The following SH2D4B variants were observed in gnomAD, a reference collection of about 807,000 sequenced individuals.
The protein encoded by SH2D4B is SH2 domain containing 4B.
Under a neutral mutation model 61.5 loss-of-function variants are expected in SH2D4B, and 45 were observed. The observed-to-expected ratio is 0.73, with a 90% CI of 0.58 to 0.94. The LOEUF is 0.94. Ranked by LOEUF, SH2D4B falls within the 40% of genes least tolerant of loss-of-function variation. The pLI is 0.00. For synonymous variants in SH2D4B, 224 were observed against 220.4 expected (o/e 1.02, Z -0.14); for missense variants, 572 against 574.2 (o/e 1.00, Z 0.04).
Position 80,574,290 on chromosome 10 carries a change from C to A in SH2D4B, c.495+2712C>A, listed in dbSNP as rs541017294. 2.7e-4 allele frequency among the ~76,000 whole-genome samples: 41 copies of A among 152,280 alleles called. No individual in the cohort carries two copies. The South Asian group carries it at 8.1e-3, about 30-fold the overall frequency. ...TAGCTGGAACTGCAGGCATGTGCCA[C>A]CACACCCAACTAATTTTTGTATTTT... On this transcript the variant is annotated intron_variant, in intron 3 of 7. Transcript: ENST00000646907.
At chr10:80,553,221 A>G (rs1841785122) in intron 1 of SH2D4B, among the ~76,000 whole-genome samples, 1 of 152,148 alleles carries the variant, frequency 6.6e-6, no homozygotes, top group Non-Finnish European at 1.5e-5. Flanking sequence ...CCTGGCTGGC[A>G]TCATTTATTT....
In SH2D4B at chr10:80,603,726, A is replaced by G. The variant is rs749039341; in HGVS notation, c.791A>G (p.Glu264Gly). Reference sequence around the variant, plus strand: ...TTCCGGGAGCTTGGCCAGAGCCATGAGCAGGAGGCAAGACTCTACCACCAC... The same window carrying G: ...TTCCGGGAGCTTGGCCAGAGCCATGGGCAGGAGGCAAGACTCTACCACCAC... ...SMFRELGQSH[E>G]QEARLYHHLP... Residue 264 changes from glutamate (E) to glycine (G), a missense_variant, in exon 5 of 8, where the codon GAG becomes GGG. By Grantham distance (98) the Glu-to-Gly change is moderately conservative. Coordinates refer to ENST00000646907, the MANE Select transcript of SH2D4B (RefSeq NM_001388272.1). 2 of 1,613,614 alleles carry G rather than the reference A, an allele frequency of 1.2e-6. No individual in the cohort carries two copies. The highest frequency in any genetic ancestry group is 3.3e-5 in the Admixed American group (2 of 60,012).
intron 5 of SH2D4B, 84 bp downstream of exon 5, chr10:80,603,879 GC>G: frequency 1.6e-6 from 2 of 1,269,126 alleles, no homozygotes; most frequent in South Asian, 1.4e-5. Flanking sequence ...TCCCGGGTCT[GC>G]CCCAGATTTG....
At chr10:80,634,890 CAGCTTCTGAG>C (rs1275394120) in intron 7 of SH2D4B, among the ~76,000 whole-genome samples, 1 of 152,234 alleles carries the variant, frequency 6.6e-6, no homozygotes, top group Non-Finnish European at 1.5e-5. Flanking sequence ...AGACCTCTAG[CAGCTTCTGAG>C]AGTTAGCTGA....
intron 3 of SH2D4B, among the ~76,000 whole-genome samples, chr10:80,586,435 C>CCA (rs1416500447): frequency 1.3e-5 from 2 of 152,166 alleles, no homozygotes; most frequent in African/African-American, 2.4e-5. Flanking sequence ...GTAAACACAC[C>CCA]TGTCAGCACC....
At chr10:80,610,423 G>A (rs1456058238) in intron 6 of SH2D4B, among the ~76,000 whole-genome samples, 1 of 152,154 alleles carries the variant, frequency 6.6e-6, no homozygotes, top group Non-Finnish European at 1.5e-5. Context: ...GGATGAAGGT[G>A]GGAAGAAAAT....
At position 80,644,377 on chromosome 10, in the gene SH2D4B, T is replaced by G. The variant is rs1840360239; in HGVS notation, c.*292T>G. ...GCTGCCGTAAACCGAGCTCTTACAGTGCGTGGACCATGTTTTAATAATCCA... is the reference window on the plus strand; with the variant it reads ...GCTGCCGTAAACCGAGCTCTTACAGGGCGTGGACCATGTTTTAATAATCCA... On this transcript the variant is annotated 3_prime_UTR_variant, in exon 8 of 8. Coordinates refer to ENST00000646907, the MANE Select transcript of SH2D4B (RefSeq NM_001388272.1). The G allele has an allele frequency of 3.3e-6, 1 of 300,260 alleles. No individual in the cohort carries two copies. Among genetic ancestry groups the G allele is most frequent in the Non-Finnish European group, 6.1e-6 (1 of 163,548 alleles). The allele number at this position is 300,260 out of a possible 1,614,324, so 18.6% of individuals were successfully genotyped here.
At chr10:80,572,971 TATATATATATA>T (rs1842073523) in intron 3 of SH2D4B, among the ~76,000 whole-genome samples, 8 of 9,574 alleles carry the variant, frequency 8.4e-4, no homozygotes, top group Non-Finnish European at 1.4e-3. Flanking sequence ...TATATATATA[TATATATATATA>T]TATATTTTTT....
intron 6 of SH2D4B, among the ~76,000 whole-genome samples, chr10:80,626,176 A>T (rs1402942782): frequency 1.3e-5 from 2 of 151,898 alleles, no homozygotes; most frequent in African/African-American, 4.8e-5. Context: ...TTCCTGAAGT[A>T]CATCCTTTAG....
intron 3 of SH2D4B, among the ~76,000 whole-genome samples, chr10:80,581,689 T>TA (rs1176439267): frequency 1.3e-5 from 2 of 152,162 alleles, no homozygotes; most frequent in African/African-American, 2.4e-5. Context: ...ATTGAGGAAA[T>TA]AGAGTTCTGT....
intron 3 of SH2D4B, among the ~76,000 whole-genome samples, chr10:80,579,573 C>T (rs1267663031): frequency 6.6e-6 from 1 of 152,032 alleles, no homozygotes; most frequent in African/African-American, 2.4e-5. Flanking sequence ...TCCTTCTCTG[C>T]TTGCAATCTC....
intron 3 of SH2D4B, among the ~76,000 whole-genome samples, chr10:80,578,449 C>G (rs528633572): frequency 5.9e-5 from 9 of 152,058 alleles, no homozygotes; most frequent in Non-Finnish European, 1.0e-4. Flanking sequence ...CATGAGCAAC[C>G]CTTAGTGCCA....
chr10:80,579,512 C>CCT lies in SH2D4B; in HGVS notation c.495+7934_495+7935insCT, dbSNP rs1842165261. On this transcript the variant is annotated intron_variant, in intron 3 of 7. Transcript: ENST00000646907. The stretch of plus-strand genomic sequence containing the variant: ...TCCTTCTGTTCAAGACCACAGAACA[C>CCT]GGCTCAATAAACATCCTGTGCTCTT... Among the ~76,000 whole-genome samples the CCT allele has an allele frequency of 1.5e-4, 23 of 152,098 alleles. 1 individual carries two copies. The highest frequency in any genetic ancestry group is 1.5e-3 in the Admixed American group (23 of 15,264).
intron 1 of SH2D4B, among the ~76,000 whole-genome samples, chr10:80,556,860 G>GT (rs1841844400): frequency 6.6e-6 from 1 of 152,090 alleles, no homozygotes. Flanking sequence ...GACAAATTAA[G>GT]TTTTCTCTTC....
intron 4 of SH2D4B, among the ~76,000 whole-genome samples, chr10:80,596,074 T>A (rs1490884659): frequency 6.6e-6 from 1 of 152,232 alleles, no homozygotes; most frequent in Non-Finnish European, 1.5e-5. Context: ...GGTTTCACTG[T>A]TACCAGTTAC....
chr10:80,591,867 A>G (rs897561309), intron 4 of SH2D4B, among the ~76,000 whole-genome samples: 2 of 152,280 alleles, frequency 1.3e-5, no homozygotes, highest in East Asian at 3.9e-4. Flanking sequence ...CCATTAACCC[A>G]TTAATACATT....
intron 4 of SH2D4B, among the ~76,000 whole-genome samples, chr10:80,597,277 A>G (rs75078436): frequency 0.017 from 2,591 of 152,292 alleles, 79 homozygotes; most frequent in African/African-American, 0.059. Flanking sequence ...TGTATTAGAC[A>G]TATTTCCTCC....
intron 4 of SH2D4B, among the ~76,000 whole-genome samples, chr10:80,602,424 C>G (rs1842460966): frequency 6.6e-6 from 1 of 152,198 alleles, no homozygotes; most frequent in South Asian, 2.1e-4. Context: ...GATCGCACCA[C>G]TGCACTCCAG....
rs114223002 is a variant in SH2D4B, at chr10:80,583,371, A to G, written c.496-5259A>G. On this transcript the variant is annotated intron_variant, in intron 3 of 7. Transcript: ENST00000646907. Reference sequence around the variant, plus strand: ...TGAAATCAACCAGGAAGTAGAAGAAAAAAGACAACAGATGGAGCCGGGCGC... The same window carrying G: ...TGAAATCAACCAGGAAGTAGAAGAAGAAAGACAACAGATGGAGCCGGGCGC... Among the ~76,000 whole-genome samples, 925 of 152,218 alleles carry G rather than the reference A, an allele frequency of 6.1e-3. 8 individuals carry two copies. The highest frequency in any genetic ancestry group is 0.021 in the African/African-American group (859 of 41,506).
Sources: gnomAD v4.1 joint callset for allele counts (sites outside exome capture counted in the v4.1 genomes callset) on GRCh38, gnomAD v4.1.1 for gene constraint, MANE v1.5 for transcripts, NCBI Gene and HGNC (gene_info 2026-07-23, HGNC 2026-07-21) for gene names.